Variants in KIF15 observed in about 807,000 individuals in gnomAD.
KIF15 encodes kinesin-like protein KIF15.
KIF15 carries 140 observed loss-of-function variants against 190.6 expected under a neutral mutation model. The observed-to-expected ratio is 0.73, with a 90% CI of 0.64 to 0.84. The LOEUF is 0.84. KIF15 is among the 40% of genes least tolerant of loss of function. The pLI is 0.00. For synonymous variants in KIF15, 528 were observed against 551.3 expected (o/e 0.96, Z 0.59); for missense variants, 1,372 against 1,584.4 (o/e 0.87, Z 2.28).
At chr3:44,778,448 A>G (rs1305437170) in intron 4 of KIF15, among the ~76,000 whole-genome samples, 19 of 152,152 alleles carry the variant, frequency 1.2e-4, no homozygotes, top group Admixed American at 1.2e-3. Context: ...GGCCACCCAC[A>G]TTACTTAGCT....
intron 8 of KIF15, among the ~76,000 whole-genome samples, chr3:44,795,624 T>A (rs1706938901): frequency 6.6e-6 from 1 of 152,106 alleles, no homozygotes; most frequent in African/African-American, 2.4e-5. Context: ...AGTCCTAGGC[T>A]AAGGTATCAA....
At chr3:44,776,775 C>T (rs1705909732) in intron 3 of KIF15, among the ~76,000 whole-genome samples, 1 of 152,164 alleles carries the variant, frequency 6.6e-6, no homozygotes, top group Admixed American at 6.5e-5. Flanking sequence ...CTGTCTGTTA[C>T]AATAGCCTCT....
intron 6 of KIF15, 41 bp downstream of exon 6, chr3:44,784,983 A>G (rs746075987): frequency 1.8e-5 from 19 of 1,031,524 alleles, no homozygotes; most frequent in Middle Eastern, 2.0e-4. Flanking sequence ...TGAAATGTCT[A>G]ATTTTGAATA....
At chr3:44,780,844 A>C in intron 4 of KIF15, 41 bp from the exon 5 acceptor site, 1 of 1,409,142 alleles carries the variant, frequency 7.1e-7, no homozygotes, top group Non-Finnish European at 9.9e-7. Flanking sequence ...GTAGTCTTTT[A>C]ATTTTATGTG....
chr3:44,788,885 C>A (rs139945798), intron 7 of KIF15, among the ~76,000 whole-genome samples: 1 of 152,132 alleles, frequency 6.6e-6, no homozygotes, highest in African/African-American at 2.4e-5. Flanking sequence ...AACTACAAAA[C>A]AATATTTTAA....
At chr3:44,794,093 C>T in intron 7 of KIF15, 124 bp from the exon 8 acceptor site, 1 of 710,886 alleles carries the variant, frequency 1.4e-6, no homozygotes, top group Admixed American at 2.5e-5. Flanking sequence ...GTAGGTCAGG[C>T]TGGTCTTGAA....
intron 26 of KIF15, among the ~76,000 whole-genome samples, chr3:44,833,110 C>T (rs147199887): frequency 5.3e-5 from 8 of 151,612 alleles, no homozygotes; most frequent in African/African-American, 1.5e-4. Context: ...GCACAGGCTA[C>T]GGAGTTGGAA....
At position 44,829,762 on chromosome 3, in the gene KIF15, A is replaced by G. The variant is rs1042950195; in HGVS notation, c.2944-209A>G. Among the ~76,000 whole-genome samples the G allele has an allele frequency of 5.0e-5, 7 of 140,980 alleles. No homozygotes were observed. In the East Asian group the frequency reaches 6.0e-4, roughly 12 times the overall value. The allele number at this position is 140,980 out of a possible 152,430, so 92.5% of individuals were successfully genotyped here. A position where few individuals can be genotyped will look rare whatever the true frequency, so the allele number is the denominator to read the frequency against. Reference sequence around the variant, plus strand: ...ATATATGTATATATTATAGATGTATATATATTATAGATGTATATATATAAT... The same window carrying G: ...ATATATGTATATATTATAGATGTATGTATATTATAGATGTATATATATAAT... On this transcript the variant is annotated intron_variant, in intron 24 of 34. Transcript: ENST00000326047.
chr3:44,821,795 C>T (rs1281756608), intron 20 of KIF15, among the ~76,000 whole-genome samples: 2 of 152,310 alleles, frequency 1.3e-5, no homozygotes, highest in East Asian at 1.9e-4. Flanking sequence ...GAGGTTGTAG[C>T]GAGCTGAGAT....
At chr3:44,866,947 A>G (rs1012623089) in intron 6 of KIF15, among the ~76,000 whole-genome samples, 10 of 152,074 alleles carry the variant, frequency 6.6e-5, no homozygotes, top group Non-Finnish European at 1.3e-4. Context: ...CTCGCTGGCA[A>G]ACTCCTGCTC....
chr3:44,772,581 A>G (rs2372827), intron 1 of KIF15, among the ~76,000 whole-genome samples: 106,098 of 152,152 alleles, frequency 0.7, 37,360 homozygotes, highest in East Asian at 0.89. Flanking sequence ...ATTAAGCTGA[A>G]CGCTTTTTAA....
chr3:44,842,654 T>C (rs887380969), intron 29 of KIF15, among the ~76,000 whole-genome samples: 2 of 152,200 alleles, frequency 1.3e-5, no homozygotes, highest in Non-Finnish European at 2.9e-5. Flanking sequence ...AATCAGATAA[T>C]AGGCAAGTAA....
chr3:44,787,824 A>C (rs897657732), intron 7 of KIF15, among the ~76,000 whole-genome samples: 2 of 152,132 alleles, frequency 1.3e-5, no homozygotes, highest in Non-Finnish European at 1.5e-5. Context: ...TTTCTCTAAT[A>C]ATCTCTTTCT....
intron 5 of KIF15, among the ~76,000 whole-genome samples, chr3:44,784,455 C>T (rs1706315346): frequency 6.6e-6 from 1 of 152,120 alleles, no homozygotes; most frequent in East Asian, 1.9e-4. Flanking sequence ...TGAGCCACTG[C>T]GCCTGGCCTC....
chr3:44,801,333 C>T, intron 11 of KIF15, 117 bp from the exon 12 acceptor site: 1 of 600,664 alleles, frequency 1.7e-6, no homozygotes, highest in Non-Finnish European at 3.0e-6. Flanking sequence ...TGCCCGGCCA[C>T]AGTCTCATTC....
intron 32 of KIF15, among the ~76,000 whole-genome samples, chr3:44,850,564 A>T (rs1459105854): frequency 6.6e-6 from 1 of 152,368 alleles, no homozygotes; most frequent in African/African-American, 2.4e-5. Context: ...ACACTTCAGC[A>T]AACGGCATGC....
Position 44,797,922 on chromosome 3 carries a change from A to G in KIF15, c.1064A>G (p.Asn355Ser). ...TTTGGGGAAACCCTATCAACACTTA[A>G]CTTTGCTCAAAGAGCCAAGCTGATT... ...RCFGETLSTLNFAQRAKLIKN... is the reference protein window; with the variant it reads ...RCFGETLSTLSFAQRAKLIKN... The change falls in exon 10 of 35, where the codon AAC (asparagine) becomes AGC (serine). Residue 355 changes from asparagine (N) to serine (S), a missense_variant. Transcript: ENST00000326047. The G allele has an allele frequency of 6.2e-7, 1 of 1,613,676 alleles. No individual in the cohort carries two copies. The highest frequency in any genetic ancestry group is 8.5e-7 in the Non-Finnish European group (1 of 1,179,926).
chr3:44,859,062 G>C (rs762391701), intron 6 of KIF15, among the ~76,000 whole-genome samples: 1 of 152,192 alleles, frequency 6.6e-6, no homozygotes, highest in African/African-American at 2.4e-5. Flanking sequence ...GTGGGGTCCC[G>C]CACAGTTGGG....
chr3:44,866,222 G>A (rs1235264769), intron 6 of KIF15, among the ~76,000 whole-genome samples: 2 of 151,684 alleles, frequency 1.3e-5, no homozygotes, highest in African/African-American at 4.8e-5. Flanking sequence ...ACAGGCACCC[G>A]CCACCATGCC....
Sources: allele counts gnomAD v4.1 joint callset (sites outside exome capture counted in the v4.1 genomes callset), GRCh38; gene constraint gnomAD v4.1.1; transcripts MANE v1.5; gene names NCBI Gene and HGNC (gene_info 2026-07-23, HGNC 2026-07-21).